Variants in DPP10 observed in about 807,000 individuals in gnomAD.
DPP10 encodes inactive dipeptidyl peptidase 10.
A neutral mutation model predicts 120.9 loss-of-function variants in DPP10; 33 were observed. That is an observed-to-expected ratio of 0.27 (90% CI 0.21 to 0.37). The LOEUF is 0.37. Among genes scored for constraint, DPP10 ranks in the 10% least tolerant of loss-of-function variants. The pLI, the probability that DPP10 is intolerant of heterozygous loss-of-function variation, is 1.00. For missense variants in DPP10, 816 were observed against 942.8 expected (o/e 0.87, Z 1.76); for synonymous variants, 337 against 326.1 (o/e 1.03, Z -0.36).
intron 1 of DPP10, among the ~76,000 whole-genome samples, chr2:114,632,931 T>C (rs1472184015): frequency 6.6e-6 from 1 of 152,174 alleles, no homozygotes; most frequent in Non-Finnish European, 1.5e-5. Flanking sequence ...ACATCCATTT[T>C]TGAGAGGCCT....
chr2:115,668,261 AAC>A (rs999844797), intron 5 of DPP10, among the ~76,000 whole-genome samples: 39 of 144,630 alleles, frequency 2.7e-4, no homozygotes, highest in African/African-American at 1.1e-3. Flanking sequence ...TTGCCATTTT[AAC>A]AGTGTGGAGA....
At chr2:115,275,989 C>T (rs1280322679) in intron 1 of DPP10, among the ~76,000 whole-genome samples, 1 of 152,168 alleles carries the variant, frequency 6.6e-6, no homozygotes, top group Non-Finnish European at 1.5e-5. Flanking sequence ...GCGTGAGCCA[C>T]CGCGCCCGGC....
chr2:115,721,922 AAAG>A (rs1420202696), intron 7 of DPP10, among the ~76,000 whole-genome samples: 1 of 152,216 alleles, frequency 6.6e-6, no homozygotes, highest in Non-Finnish European at 1.5e-5. Flanking sequence ...CAGGTTTTAA[AAAG>A]AAGGAAATTG....
chr2:114,671,367 G>A (rs1036292463), intron 1 of DPP10, among the ~76,000 whole-genome samples: 16 of 152,096 alleles, frequency 1.1e-4, no homozygotes, highest in Admixed American at 8.5e-4. Context: ...TTGGATATTC[G>A]TCTCCTCCTA....
At chr2:115,460,894 A>G (rs1302848674) in intron 3 of DPP10, among the ~76,000 whole-genome samples, 1 of 152,200 alleles carries the variant, frequency 6.6e-6, no homozygotes, top group East Asian at 1.9e-4. Flanking sequence ...TATGAGATTG[A>G]TTGTTCCACA....
chr2:115,284,142 C>A (rs762360832), intron 1 of DPP10, among the ~76,000 whole-genome samples: 1 of 151,886 alleles, frequency 6.6e-6, no homozygotes, highest in Non-Finnish European at 1.5e-5. Flanking sequence ...TTATGTGATT[C>A]TAAGTAAGTA....
At chr2:114,669,126 T>G (rs1394547517) in intron 1 of DPP10, among the ~76,000 whole-genome samples, 1 of 152,176 alleles carries the variant, frequency 6.6e-6, no homozygotes, top group East Asian at 1.9e-4. Context: ...TTGTTACAAC[T>G]GTTCCCCACT....
chr2:115,310,686 G>A (rs959044347), intron 2 of DPP10, among the ~76,000 whole-genome samples: 2 of 152,180 alleles, frequency 1.3e-5, no homozygotes, highest in African/African-American at 4.8e-5. Context: ...ATTGAGCAAT[G>A]TGATGGCTCT....
rs562763339 is a variant in DPP10 at position 115,369,967 on chromosome 2, A to T, written c.271+26055A>T. Among the ~76,000 whole-genome samples the T allele has an allele frequency of 8.7e-4, 133 of 152,232 alleles. No homozygotes were observed. The Middle Eastern group carries it at 0.01, about 12-fold the overall frequency. The stretch of plus-strand genomic sequence containing the variant: ...GAAAATGTGTTAGATCAGTTTTCAG[A>T]TTTGACTGTACAAAAACTTGGGTTC... On this transcript the variant is annotated intron_variant, in intron 3 of 25. Transcript: ENST00000410059.
intron 1 of DPP10, among the ~76,000 whole-genome samples, chr2:114,547,736 G>C (rs988567092): frequency 6.6e-6 from 1 of 152,226 alleles, no homozygotes; most frequent in African/African-American, 2.4e-5. Flanking sequence ...TTGTTTAACT[G>C]CTTACAACAA....
intron 1 of DPP10, among the ~76,000 whole-genome samples, chr2:114,517,196 A>G (rs1328718492): frequency 1.3e-5 from 2 of 152,278 alleles, no homozygotes; most frequent in East Asian, 3.9e-4. Context: ...TAATCATTTC[A>G]CGGACAAGTT....
intron 1 of DPP10, among the ~76,000 whole-genome samples, chr2:114,991,629 T>G (rs1048376319): frequency 1.3e-5 from 2 of 152,168 alleles, no homozygotes; most frequent in Non-Finnish European, 2.9e-5. Flanking sequence ...GAGAGATAAT[T>G]TGTTATGGAT....
intron 5 of DPP10, among the ~76,000 whole-genome samples, chr2:115,613,100 T>TA (rs2084237571): frequency 6.6e-6 from 1 of 152,216 alleles, no homozygotes; most frequent in Non-Finnish European, 1.5e-5. Context: ...TTCTACTACA[T>TA]AACATGCAGT....
chr2:115,303,537 G>A (rs185760912), intron 1 of DPP10, among the ~76,000 whole-genome samples: 2 of 151,694 alleles, frequency 1.3e-5, no homozygotes, highest in Non-Finnish European at 2.9e-5. Flanking sequence ...AGCATATCCA[G>A]CACCTTTTTT....
At chr2:114,713,635 A>T (rs1421466360) in intron 1 of DPP10, among the ~76,000 whole-genome samples, 1 of 152,140 alleles carries the variant, frequency 6.6e-6, no homozygotes, top group Non-Finnish European at 1.5e-5. Context: ...TGATTCCCAC[A>T]CTCAAGAAAT....
At chr2:115,789,985 T>G (rs1483964235) in intron 17 of DPP10, among the ~76,000 whole-genome samples, 1 of 152,102 alleles carries the variant, frequency 6.6e-6, no homozygotes, top group Non-Finnish European at 1.5e-5. Flanking sequence ...TATATCTGTA[T>G]ACAATATGTA....
intron 17 of DPP10, among the ~76,000 whole-genome samples, chr2:115,788,675 C>G (rs1216472918): frequency 6.6e-6 from 1 of 152,082 alleles, no homozygotes; most frequent in Non-Finnish European, 1.5e-5. Context: ...ACACAAATCA[C>G]TAAACATTCA....
chr2:114,969,661 T>C (rs1032839730), intron 1 of DPP10, among the ~76,000 whole-genome samples: 2 of 152,178 alleles, frequency 1.3e-5, no homozygotes, highest in South Asian at 2.1e-4. Context: ...TGTGTGATGA[T>C]GTGACTGAGT....
intron 5 of DPP10, among the ~76,000 whole-genome samples, chr2:115,621,699 G>C (rs1247773028): frequency 6.6e-6 from 1 of 152,118 alleles, no homozygotes; most frequent in Non-Finnish European, 1.5e-5. Context: ...GTTTGTTTGA[G>C]AGGGAGTTTC....
Sources: allele counts gnomAD v4.1 joint callset (sites outside exome capture counted in the v4.1 genomes callset), GRCh38; gene constraint gnomAD v4.1.1; transcripts MANE v1.5; gene names NCBI Gene and HGNC (gene_info 2026-07-23, HGNC 2026-07-21).